The following DDX10 variants were observed in gnomAD, a reference collection of about 807,000 sequenced individuals.
DDX10 encodes probable ATP-dependent RNA helicase DDX10.
In DDX10, 74 loss-of-function variants were observed where a neutral mutation model predicts 104.3. That is an observed-to-expected ratio of 0.71 (90% CI 0.59 to 0.86). The LOEUF is 0.86. Ranked by LOEUF, DDX10 falls within the 40% of genes least tolerant of loss-of-function variation. The pLI is 0.00. For synonymous variants in DDX10, 351 were observed against 353.4 expected, an observed-to-expected ratio of 0.99 and a Z score of 0.08; for missense variants, 952 against 1,040.0, an observed-to-expected ratio of 0.92 and a Z score of 1.16.
chr11:108,691,880 A>G lies in DDX10; in HGVS notation c.980A>G (p.Gln327Arg), dbSNP rs190268566. Residue 327 changes from glutamine (Q) to arginine (R), a missense_variant, in exon 8 of 18, where the codon CAG (glutamine) becomes CGG (arginine). By Grantham distance (43) the Gln-to-Arg change is conservative. This residue lies in a region of DDX10 where 412 missense variants were observed against 479.2 expected (regional missense o/e 0.86). Transcript: ENST00000322536. ...IVFFSSCKEVQYLYRVFCRLR... is the reference protein window; with the variant it reads ...IVFFSSCKEVRYLYRVFCRLR... The stretch of plus-strand genomic sequence containing the variant: ...ATTCTTCTGTTGATGCCCCAGGTCC[A>G]GTATCTGTACCGAGTGTTTTGCCGG... The G allele has an allele frequency of 8.1e-6, 13 of 1,612,390 alleles. No homozygotes were observed. The Admixed American group carries it at 8.4e-5, about 10-fold the overall frequency.
intron 16 of DDX10, among the ~76,000 whole-genome samples, chr11:108,888,090 T>C (rs573601045): frequency 2.0e-5 from 3 of 152,248 alleles, no homozygotes; most frequent in South Asian, 4.1e-4. Flanking sequence ...AGATGATTCA[T>C]GGATTTTAAT....
chr11:108,727,418 G>A (rs969157505), intron 13 of DDX10, among the ~76,000 whole-genome samples: 1 of 152,080 alleles, frequency 6.6e-6, no homozygotes, highest in African/African-American at 2.4e-5. Flanking sequence ...AAACAGTAAA[G>A]TTATTGTCTC....
In DDX10 at chr11:108,910,728, CGTGTGTGTGTGTGTGTGTGTGTGTGTGT is replaced by C. The variant is rs56191738; in HGVS notation, c.2305-7110_2305-7083del. Among the ~76,000 whole-genome samples, 352 of 127,774 alleles carry C rather than the reference CGTGTGTGTGTGTGTGTGTGTGTGTGTGT, an allele frequency of 2.8e-3. 3 individuals carry two copies. Among genetic ancestry groups the C allele is most frequent in the African/African-American group, 9.0e-3 (311 of 34,462 alleles). 83.8% of individuals were successfully genotyped at this position (127,774 alleles called of 152,430 possible). ...GGGCTTTAAGAGAGGAGCGTGCATG[CGTGTGTGTGTGTGTGTGTGTGTGTGTGT>C]GTGTGTGTGTGTGTGTGTGTGTGTG... On this transcript the variant is annotated intron_variant, in intron 16 of 17. Coordinates refer to ENST00000322536, the MANE Select transcript of DDX10 (RefSeq NM_004398.4).
At chr11:108,767,852 C>T in intron 13 of DDX10, 1 of 152,532 alleles carries the variant, frequency 6.6e-6, no homozygotes, top group Non-Finnish European at 1.5e-5. Context: ...CCTGCCTCTC[C>T]TGCCTCCCTT....
intron 16 of DDX10, among the ~76,000 whole-genome samples, chr11:108,879,915 A>G (rs950131020): frequency 7.9e-5 from 12 of 152,124 alleles, no homozygotes; most frequent in Non-Finnish European, 1.8e-4. Context: ...ATATTACTGC[A>G]TATTTTTTCA....
chr11:108,684,127 A>C (rs563651074), intron 6 of DDX10, among the ~76,000 whole-genome samples: 1 of 40,006 alleles, frequency 2.5e-5, no homozygotes. Context: ...AGTTTATCTT[A>C]TCTATTTCCA....
chr11:108,915,446 G>GTTTTTTTTTTTTTTTTTTTTT (rs1863734806), intron 16 of DDX10, among the ~76,000 whole-genome samples: 1 of 97,184 alleles, frequency 1.0e-5, no homozygotes, highest in African/African-American at 7.8e-5. Flanking sequence ...TTTTTTTTTT[G>GTTTTTTTTTTTTTTTTTTTTT]GTTTTTTTTT....
At chr11:108,674,993 G>A (rs12285895) in intron 2 of DDX10, among the ~76,000 whole-genome samples, 2 of 152,090 alleles carry the variant, frequency 1.3e-5, no homozygotes, top group East Asian at 3.9e-4. Flanking sequence ...TTATTGCTGT[G>A]CCTGGTTTAT....
At position 108,678,389 on chromosome 11, in the gene DDX10, C is replaced by A. The variant is rs1381993768; in HGVS notation, c.612C>A (p.His204Gln). The change falls in exon 5 of 18, where the codon CAC becomes CAA. Residue 204 changes from histidine (H) to glutamine (Q), a missense_variant. Physicochemically the swap from His to Gln is conservative, Grantham distance 24 (BLOSUM62 0). Around this residue, in one of 3 missense-constraint regions of DDX10, gnomAD observed 412 missense variants for 479.2 expected, o/e 0.86. Transcript: ENST00000322536. The stretch of plus-strand genomic sequence containing the variant: ...GCACACCAGGTCGGCTTCTTCAACA[C>A]ATGGATGAAACAGTATCTTTTCATG... ...LVCTPGRLLQ[H>Q]MDETVSFHAT... The A allele has an allele frequency of 5.6e-6, 9 of 1,612,714 alleles. No individual in the cohort carries two copies. In the South Asian group the frequency reaches 9.9e-5, roughly 18 times the overall value.
At chr11:108,825,526 A>C (rs918143436) in intron 13 of DDX10, among the ~76,000 whole-genome samples, 5 of 152,180 alleles carry the variant, frequency 3.3e-5, no homozygotes, top group Non-Finnish European at 7.3e-5. Context: ...CCTTAACCAG[A>C]AGGAAGTTTG....
At chr11:108,777,032 G>A (rs1324944974) in intron 13 of DDX10, among the ~76,000 whole-genome samples, 1 of 152,196 alleles carries the variant, frequency 6.6e-6, no homozygotes, top group Non-Finnish European at 1.5e-5. Flanking sequence ...AATTGTGAGT[G>A]AATAAGTGGA....
At chr11:108,675,554 C>A in intron 2 of DDX10, 42 bp from the exon 3 acceptor site, 1 of 1,602,558 alleles carries the variant, frequency 6.2e-7, no homozygotes, top group Non-Finnish European at 8.5e-7. Context: ...TACCATCCTA[C>A]AGGGATCTTC....
intron 13 of DDX10, among the ~76,000 whole-genome samples, chr11:108,803,598 A>AAAAG (rs1555027135): frequency 2.9e-5 from 4 of 138,640 alleles, no homozygotes; most frequent in Admixed American, 7.3e-5. Flanking sequence ...AAAAAAAAAA[A>AAAAG]AAAAGAAAAA....
chr11:108,871,136 T>C (rs1863076630), intron 16 of DDX10, among the ~76,000 whole-genome samples: 1 of 152,172 alleles, frequency 6.6e-6, no homozygotes, highest in Admixed American at 6.5e-5. Flanking sequence ...CAAGTTCATA[T>C]GTAAACTGGA....
chr11:108,892,079 G>A (rs368592279), intron 16 of DDX10, among the ~76,000 whole-genome samples: 2 of 152,098 alleles, frequency 1.3e-5, no homozygotes, highest in Admixed American at 6.6e-5. Context: ...GCTGTAGTTC[G>A]GATATTTGAC....
chr11:108,809,033 AGG>A (rs1862140047), intron 13 of DDX10, among the ~76,000 whole-genome samples: 2 of 151,326 alleles, frequency 1.3e-5, no homozygotes, highest in South Asian at 4.2e-4. Flanking sequence ...TTTTTTTTTC[AGG>A]AAATGCTAGT....
intron 13 of DDX10, among the ~76,000 whole-genome samples, chr11:108,750,798 C>A (rs916297155): frequency 6.6e-6 from 1 of 150,702 alleles, no homozygotes; most frequent in Non-Finnish European, 1.5e-5. Context: ...CTCACTGTTA[C>A]CTAGGCTAGA....
intron 13 of DDX10, among the ~76,000 whole-genome samples, chr11:108,762,389 A>G (rs2094351816): frequency 6.6e-6 from 1 of 152,224 alleles, no homozygotes; most frequent in Admixed American, 6.5e-5. Flanking sequence ...AGCACACACC[A>G]GGGACTACAG....
chr11:108,839,208 G>A (rs947713856), intron 14 of DDX10, among the ~76,000 whole-genome samples: 1 of 152,194 alleles, frequency 6.6e-6, no homozygotes, highest in South Asian at 2.1e-4. Context: ...TACCTAAGGA[G>A]TGGTTACAGT....
Sources: gnomAD v4.1 joint callset for allele counts (sites outside exome capture counted in the v4.1 genomes callset) on GRCh38, gnomAD v4.1.1 for gene constraint, gnomAD v4.1.1 regional missense constraint, MANE v1.5 for transcripts, NCBI Gene and HGNC (gene_info 2026-07-23, HGNC 2026-07-21) for gene names.